RORA: variants seen among roughly 807,000 people sequenced by gnomAD.
RORA encodes nuclear receptor ROR-alpha.
Under a neutral mutation model 69.5 loss-of-function variants are expected in RORA, and 7 were observed. That is an observed-to-expected ratio of 0.10 (90% CI 0.06 to 0.19). RORA has a LOEUF of 0.19. Ranked by LOEUF, RORA falls within the 10% of genes least tolerant of loss-of-function variation. RORA has a pLI of 1.00. For missense variants in RORA, 457 were observed against 663.0 expected, an observed-to-expected ratio of 0.69 and a Z score of 3.41; for synonymous variants, 261 against 240.8, an observed-to-expected ratio of 1.08 and a Z score of -0.78.
intron 6 of RORA, among the ~76,000 whole-genome samples, chr15:60,504,385 A>C (rs2065429014): frequency 6.6e-6 from 1 of 152,042 alleles, no homozygotes; most frequent in Non-Finnish European, 1.5e-5. Flanking sequence ...TGTTCCTACC[A>C]AAAATACAAA....
intron 1 of RORA, among the ~76,000 whole-genome samples, chr15:61,021,663 C>G (rs1349691536): frequency 6.6e-6 from 1 of 152,170 alleles, no homozygotes; most frequent in African/African-American, 2.4e-5. Context: ...TGCCTGCAAT[C>G]CCCGGACCAG....
chr15:60,802,511 G>A (rs548736936), intron 1 of RORA, among the ~76,000 whole-genome samples: 1 of 152,294 alleles, frequency 6.6e-6, no homozygotes, highest in Non-Finnish European at 1.5e-5. Context: ...AGGACAAATA[G>A]CTCAAGTATC....
rs542260612 is a variant in RORA at position 60,787,625 on chromosome 15, C to G, written c.167-108939G>C. ...TAAAGGCCAGGCCCTGTGAGAGATACTGAAAATGCAAAGCTGAATAAGGCA... is the reference window on the plus strand; with the variant it reads ...TAAAGGCCAGGCCCTGTGAGAGATAGTGAAAATGCAAAGCTGAATAAGGCA... On this transcript the variant is annotated intron_variant, in intron 1 of 10. Transcript: ENST00000335670. Among the ~76,000 whole-genome samples the G allele has an allele frequency of 1.7e-4, 26 of 152,358 alleles. 2 individuals are homozygous for G. In the South Asian group the frequency reaches 2.1e-3, roughly 12 times the overall value.
At chr15:61,206,995 C>T (rs926701973) in intron 1 of RORA, among the ~76,000 whole-genome samples, 6 of 152,094 alleles carry the variant, frequency 3.9e-5, no homozygotes, top group African/African-American at 1.4e-4. Flanking sequence ...AATTAGCATG[C>T]TAAATAAAAC....
intron 1 of RORA, among the ~76,000 whole-genome samples, chr15:61,122,896 CAG>C (rs1220506361): frequency 2.1e-4 from 32 of 152,304 alleles, no homozygotes; most frequent in African/African-American, 7.7e-4. Flanking sequence ...CGGGCAGCTT[CAG>C]GCACATGCTG....
chr15:60,805,965 ATTC>A (rs1242471100), intron 1 of RORA, among the ~76,000 whole-genome samples: 5 of 152,234 alleles, frequency 3.3e-5, no homozygotes, highest in African/African-American at 9.6e-5. Flanking sequence ...CGGAGGACCA[ATTC>A]TTCTCTCTGT....
At chr15:61,066,717 T>C (rs889636601) in intron 1 of RORA, among the ~76,000 whole-genome samples, 1 of 151,884 alleles carries the variant, frequency 6.6e-6, no homozygotes, top group African/African-American at 2.4e-5. Flanking sequence ...CGCGAGCCAC[T>C]ATGCCCCGCT....
intron 2 of RORA, among the ~76,000 whole-genome samples, chr15:60,542,274 C>T (rs1011187008): frequency 1.3e-5 from 2 of 152,088 alleles, no homozygotes; most frequent in Non-Finnish European, 2.9e-5. Flanking sequence ...ATAGCAGGTC[C>T]TTTTTAATGC....
chr15:60,502,967 G>A (rs1309806968), intron 7 of RORA, 100 bp from the exon 8 acceptor site: 1 of 821,058 alleles, frequency 1.2e-6, no homozygotes, highest in Non-Finnish European at 2.2e-6. Flanking sequence ...CAACAGCATG[G>A]TGGGTGTCGT....
At chr15:60,572,012 T>C (rs951355730) in intron 2 of RORA, among the ~76,000 whole-genome samples, 3 of 152,236 alleles carry the variant, frequency 2.0e-5, no homozygotes, top group African/African-American at 7.2e-5. Flanking sequence ...GAGTAGCTCA[T>C]GAATCCCAGC....
intron 2 of RORA, among the ~76,000 whole-genome samples, chr15:60,603,260 A>G (rs1193086676): frequency 1.3e-5 from 2 of 152,220 alleles, no homozygotes; most frequent in Admixed American, 6.5e-5. Flanking sequence ...CTAAATTTAC[A>G]TTTATATTGG....
At chr15:60,606,810 A>T (rs185787075) in intron 2 of RORA, among the ~76,000 whole-genome samples, 1 of 138,884 alleles carries the variant, frequency 7.2e-6, no homozygotes, top group Non-Finnish European at 1.5e-5. Context: ...TCAATCAGAC[A>T]TCTCTCACAT....
At chr15:60,680,916 T>C (rs2140752746) in intron 1 of RORA, among the ~76,000 whole-genome samples, 1 of 152,342 alleles carries the variant, frequency 6.6e-6, no homozygotes, top group South Asian at 2.1e-4. Flanking sequence ...CAATATTTGT[T>C]AAAATTGCAT....
chr15:61,007,907 T>C (rs1894962649), intron 1 of RORA, among the ~76,000 whole-genome samples: 1 of 150,112 alleles, frequency 6.7e-6, no homozygotes, highest in East Asian at 1.9e-4. Context: ...ATTATCCTAA[T>C]AGAAAATTAG....
chr15:61,161,801 T>TC (rs1360993413), intron 1 of RORA, among the ~76,000 whole-genome samples: 1 of 152,184 alleles, frequency 6.6e-6, no homozygotes, highest in African/African-American at 2.4e-5. Flanking sequence ...ATATTTATCT[T>TC]CCCCCCGTGA....
Position 60,493,843 on chromosome 15 carries a change from T to TC in RORA, c.*3611dup, listed in dbSNP as rs956429894. ...GCTTTGTATAGAATAAATCTTTTTT[T>TC]CCCCATCTTCTAGTTTTGATTTAAG... On this transcript the variant is annotated 3_prime_UTR_variant, in exon 11 of 11. Coordinates refer to ENST00000335670, the MANE Select transcript of RORA (RefSeq NM_134261.3). 3.3e-5 allele frequency: 5 copies of TC among 152,128 alleles called. No individual in the cohort carries two copies. Among genetic ancestry groups the TC allele is most frequent in the Admixed American group, 6.5e-5 (1 of 15,268 alleles). 9.4% of individuals were successfully genotyped at this position (152,128 alleles called of 1,614,324 possible). A position where few individuals can be genotyped will look rare whatever the true frequency, so the allele number is the denominator to read the frequency against.
At chr15:61,021,992 T>G (rs1459613972) in intron 1 of RORA, among the ~76,000 whole-genome samples, 1 of 152,198 alleles carries the variant, frequency 6.6e-6, no homozygotes, top group Non-Finnish European at 1.5e-5. Context: ...CTTGGTCAAA[T>G]AGCTATGTGC....
intron 1 of RORA, among the ~76,000 whole-genome samples, chr15:60,854,330 T>C (rs8025675): frequency 0.02 from 3,055 of 152,198 alleles, 51 homozygotes; most frequent in African/African-American, 0.031. Context: ...CGAATTCAAA[T>C]ACAAAAATAA....
At chr15:60,560,183 G>A (rs1353879092) in intron 2 of RORA, among the ~76,000 whole-genome samples, 3 of 152,196 alleles carry the variant, frequency 2.0e-5, no homozygotes, top group African/African-American at 4.8e-5. Context: ...GGAGATTTAT[G>A]TTGAAAATTC....
Sources: allele counts gnomAD v4.1 joint callset (sites outside exome capture counted in the v4.1 genomes callset), GRCh38; gene constraint gnomAD v4.1.1; transcripts MANE v1.5; gene names NCBI Gene and HGNC (gene_info 2026-07-23, HGNC 2026-07-21).